Variants in CTNND2 observed in about 807,000 individuals in gnomAD.
The protein encoded by CTNND2 is catenin delta 2.
In CTNND2, 22 loss-of-function variants were observed where a neutral mutation model predicts 144.4. The observed-to-expected ratio is 0.15, with a 90% confidence interval of 0.11 to 0.22. The LOEUF is 0.22. CTNND2 is among the 10% of genes least tolerant of loss of function. CTNND2 has a pLI of 1.00. For synonymous variants in CTNND2, 751 were observed against 695.6 expected, an observed-to-expected ratio of 1.08 and a Z score of -1.25; for missense variants, 1,353 against 1,618.8, an observed-to-expected ratio of 0.84 and a Z score of 2.82.
At position 11,159,648 on chromosome 5, in the gene CTNND2, G is replaced by A. The variant is rs1028155744; in HGVS notation, c.2087C>T (p.Ser696Leu). 1.4e-5 allele frequency: 23 copies of A among 1,613,552 alleles called. 1 individual carries two copies. Among genetic ancestry groups the A allele is most frequent in the African/African-American group, 4.0e-5 (3 of 74,900 alleles). ...TATTTTCCGATCATCCTGAAGAGGC[G>A]AATTTTCCCAGCCTGAGTGGGGGAT... is the stretch of plus-strand genomic sequence containing the variant. The part of the protein sequence containing the change: ...VIIPHSGWEN[S>L]PLQDDRKIQL... The change falls in exon 12 of 22, where the codon TCG becomes TTG. Residue 696 changes from serine (S) to leucine (L), a missense_variant. By Grantham distance (145) the Ser-to-Leu change is moderately radical. Around this residue, in one of 4 missense-constraint regions of CTNND2, gnomAD observed 117 missense variants for 117.8 expected, o/e 0.99. Coordinates refer to ENST00000304623, the MANE Select transcript of CTNND2 (RefSeq NM_001332.4).
At chr5:11,608,651 T>G (rs1253367722) in intron 2 of CTNND2, among the ~76,000 whole-genome samples, 1 of 152,124 alleles carries the variant, frequency 6.6e-6, no homozygotes, top group African/African-American at 2.4e-5. Context: ...AACTAGCCCA[T>G]CATCTCTATT....
At chr5:11,476,109 T>A (rs1440862731) in intron 3 of CTNND2, among the ~76,000 whole-genome samples, 4 of 151,762 alleles carry the variant, frequency 2.6e-5, no homozygotes, top group African/African-American at 9.7e-5. Context: ...TGACTCAAGT[T>A]ATCCGCCCAC....
intron 2 of CTNND2, among the ~76,000 whole-genome samples, chr5:11,665,658 A>C (rs1162037153): frequency 1.3e-5 from 2 of 152,154 alleles, no homozygotes; most frequent in East Asian, 3.9e-4. Context: ...TTATATATTC[A>C]ATAGAAAATA....
intron 3 of CTNND2, among the ~76,000 whole-genome samples, chr5:11,480,326 C>T (rs1419540412): frequency 6.6e-6 from 1 of 152,134 alleles, no homozygotes; most frequent in African/African-American, 2.4e-5. Context: ...TTCACCAATG[C>T]CACTTGGAGC....
intron 9 of CTNND2, among the ~76,000 whole-genome samples, chr5:11,336,831 CAT>C (rs1336106099): frequency 1.3e-5 from 2 of 152,134 alleles, no homozygotes; most frequent in African/African-American, 4.8e-5. Flanking sequence ...CAAATACACT[CAT>C]AATCTATATG....
In CTNND2 at chr5:10,981,333, T is replaced by C. The variant is rs556882810; in HGVS notation, c.3417+440A>G. The stretch of plus-strand genomic sequence containing the variant: ...ATGTGTTCTTTTACAAGTTCTCTAT[T>C]GAACTTGCTGTGTCTCCTTTATTGG... On this transcript the variant is annotated intron_variant, in intron 21 of 21. Coordinates refer to ENST00000304623, the MANE Select transcript of CTNND2 (RefSeq NM_001332.4). Among the ~76,000 whole-genome samples the C allele has an allele frequency of 9.8e-5, 15 of 152,370 alleles. No homozygotes were observed. The East Asian group carries it at 2.1e-3, about 22-fold the overall frequency.
chr5:11,521,663 G>C (rs1360239486), intron 3 of CTNND2, among the ~76,000 whole-genome samples: 2 of 152,194 alleles, frequency 1.3e-5, no homozygotes, highest in Admixed American at 1.3e-4. Flanking sequence ...TAGGCATTTA[G>C]TAAATGTATA....
chr5:11,298,409 G>A (rs1041388293), intron 9 of CTNND2, among the ~76,000 whole-genome samples: 1 of 152,150 alleles, frequency 6.6e-6, no homozygotes, highest in Non-Finnish European at 1.5e-5. Flanking sequence ...GGCCTCAAGT[G>A]ATCCTCCCAC....
rs1233994132 is a variant in CTNND2 at position 11,555,482 on chromosome 5, A to G, written c.287+9462T>C. ...AGAGGAATAAGAGCTTCCCTGTTAA[A>G]GAAGCAACGGCTGTAAATGCTCCTG... is the stretch of plus-strand genomic sequence containing the variant. On this transcript the variant is annotated intron_variant, in intron 3 of 21. Transcript: ENST00000304623. Among the ~76,000 whole-genome samples the G allele has an allele frequency of 2.0e-5, 3 of 152,296 alleles. No homozygotes were observed. The East Asian group carries it at 5.8e-4, about 29-fold the overall frequency.
chr5:11,014,988 C>G (rs1206828528), intron 18 of CTNND2, among the ~76,000 whole-genome samples: 4 of 152,230 alleles, frequency 2.6e-5, no homozygotes, highest in African/African-American at 9.6e-5. Flanking sequence ...TAATTCAGAA[C>G]TGAATGAAGT....
At chr5:11,875,111 T>C (rs1419852789) in intron 1 of CTNND2, among the ~76,000 whole-genome samples, 1 of 152,208 alleles carries the variant, frequency 6.6e-6, no homozygotes, top group African/African-American at 2.4e-5. Flanking sequence ...AATTTTCCTA[T>C]GGAATCACAA....
chr5:11,101,126 C>T (rs1245236603), intron 14 of CTNND2, among the ~76,000 whole-genome samples: 6 of 152,046 alleles, frequency 3.9e-5, no homozygotes, highest in South Asian at 4.1e-4. Flanking sequence ...TATTTTAGCA[C>T]GTTGATATTG....
intron 14 of CTNND2, among the ~76,000 whole-genome samples, chr5:11,099,507 G>C (rs1751670185): frequency 6.6e-6 from 1 of 152,102 alleles, no homozygotes; most frequent in Non-Finnish European, 1.5e-5. Context: ...GTAGCAACTT[G>C]GACAAATTAT....
rs182056061 is a variant in CTNND2 at position 11,334,580 on chromosome 5, G to A, written c.1628+11792C>T. ...AGTGAAAGACTGGACGCCCTCTGCC[G>A]GCATCTCACCTATCCCTTCATATGT... On this transcript the variant is annotated intron_variant, in intron 9 of 21. Transcript: ENST00000304623. 2.6e-5 allele frequency among the ~76,000 whole-genome samples: 4 copies of A among 152,288 alleles called. No homozygotes were observed. In the East Asian group the frequency reaches 7.7e-4, roughly 29 times the overall value.
intron 1 of CTNND2, among the ~76,000 whole-genome samples, chr5:11,854,728 G>T (rs1375657410): frequency 6.6e-6 from 1 of 152,110 alleles, no homozygotes; most frequent in Non-Finnish European, 1.5e-5. Flanking sequence ...ACTGAACTAG[G>T]AATTCAAACC....
chr5:11,827,600 G>A (rs533796488), intron 1 of CTNND2, among the ~76,000 whole-genome samples: 1 of 152,188 alleles, frequency 6.6e-6, no homozygotes, highest in African/African-American at 2.4e-5. Flanking sequence ...GGGAAAAACA[G>A]AACATCACTA....
At position 11,351,861 on chromosome 5, in the gene CTNND2, C is replaced by T. The variant is rs573506742; in HGVS notation, c.1373-5234G>A. Among the ~76,000 whole-genome samples, 3 of 152,196 alleles carry T rather than the reference C, an allele frequency of 2.0e-5. No homozygotes were observed. The South Asian group carries it at 6.2e-4, about 32-fold the overall frequency. ...ATATAATAAAGTAATTAAAGAATGT[C>T]CCTCTGAAAGTTCAGAAAACAAAAA... is the stretch of plus-strand genomic sequence containing the variant. On this transcript the variant is annotated intron_variant, in intron 8 of 21. Transcript: ENST00000304623.
chr5:11,041,033 T>C (rs1337286419), intron 16 of CTNND2, among the ~76,000 whole-genome samples: 1 of 152,220 alleles, frequency 6.6e-6, no homozygotes, highest in Non-Finnish European at 1.5e-5. Flanking sequence ...GAAGAAAAGT[T>C]TGTTTTCAGG....
rs1005984467 is a variant in CTNND2 at position 10,972,101 on chromosome 5, A to G, written c.*1352T>C. The G allele has an allele frequency of 2.6e-5, 4 of 152,652 alleles. No individual in the cohort carries two copies. Among genetic ancestry groups the G allele is most frequent in the Non-Finnish European group, 5.9e-5 (4 of 68,038 alleles). 9.5% of individuals were successfully genotyped at this position (152,652 alleles called of 1,614,324 possible). ...TGGGGGAATAAGGCGAGCAGTTTACATTTTCTGTGGATACTTCAAGTAATT... is the reference window on the plus strand; with the variant it reads ...TGGGGGAATAAGGCGAGCAGTTTACGTTTTCTGTGGATACTTCAAGTAATT... On this transcript the variant is annotated 3_prime_UTR_variant, in exon 22 of 22. Transcript: ENST00000304623.
Sources: gnomAD v4.1 joint callset for allele counts (sites outside exome capture counted in the v4.1 genomes callset) on GRCh38, gnomAD v4.1.1 for gene constraint, gnomAD v4.1.1 regional missense constraint, MANE v1.5 for transcripts, NCBI Gene and HGNC (gene_info 2026-07-23, HGNC 2026-07-21) for gene names.